CLP1: variants seen among roughly 807,000 people sequenced by gnomAD.
CLP1 encodes the protein polyribonucleotide 5'-hydroxyl-kinase Clp1.
A neutral mutation model predicts 29.9 loss-of-function variants in CLP1; 18 were observed. The observed-to-expected ratio is 0.60, with a 90% CI of 0.42 to 0.89. CLP1 has a LOEUF of 0.89. Among genes scored for constraint, CLP1 ranks in the 40% least tolerant of loss-of-function variants. CLP1 has a pLI of 0.00. For synonymous variants in CLP1, 162 were observed against 206.2 expected (o/e 0.79, Z 1.84); for missense variants, 357 against 544.8 (o/e 0.66, Z 3.43).
intron 1 of CLP1, among the ~76,000 whole-genome samples, chr11:57,658,941 A>G (rs918258258): frequency 4.1e-5 from 6 of 148,100 alleles, no homozygotes; most frequent in African/African-American, 9.9e-5. Context: ...GGCCTGGCCA[A>G]TATTTGCATT....
chr11:57,661,537 T>A lies in CLP1; in HGVS notation c.*101T>A. ...AAGACTGTTGGGGCCACCTGACCAG[T>A]AAACTGTGGACTAGTAGAAAGTTCA... On this transcript the variant is annotated 3_prime_UTR_variant, in exon 3 of 3. Transcript: ENST00000533682. 1.1e-6 allele frequency: 1 copy of A among 930,206 alleles called. No homozygotes were observed. Among genetic ancestry groups the A allele is most frequent in the Non-Finnish European group, 1.6e-6 (1 of 611,630 alleles). The allele number at this position is 930,206 out of a possible 1,614,324, so 57.6% of individuals were successfully genotyped here.
intron 1 of CLP1, among the ~76,000 whole-genome samples, chr11:57,658,332 G>C (rs1402150359): frequency 6.6e-6 from 1 of 152,224 alleles, no homozygotes; most frequent in Non-Finnish European, 1.5e-5. Flanking sequence ...TTTACCAATA[G>C]AGTGATGGAG....
rs1249796429 is a variant in CLP1 at position 57,659,497 on chromosome 11, T to C, written c.21T>C (p.Asp7=). 3 of 1,614,042 alleles carry C rather than the reference T, an allele frequency of 1.9e-6. No homozygotes were observed. Among genetic ancestry groups the C allele is most frequent in the South Asian group, 1.1e-5 (1 of 91,084 alleles). Reference sequence around the variant, plus strand: ...AAGAGATGGGAGAAGAGGCTAATGATGACAAGAAGCCAACCACTAAATTTG... The same window carrying C: ...AAGAGATGGGAGAAGAGGCTAATGACGACAAGAAGCCAACCACTAAATTTG... MGEEAN[D]DKKPTTKFEL... is the part of the protein sequence containing the mutation. Residue 7 remains aspartate, a synonymous_variant, in exon 2 of 3, where the codon GAT becomes GAC. Transcript: ENST00000533682.
intron 1 of CLP1, among the ~76,000 whole-genome samples, chr11:57,659,039 T>C (rs1945847942): frequency 6.6e-6 from 1 of 151,882 alleles, no homozygotes; most frequent in Admixed American, 6.6e-5. Context: ...CGCCCCAAAG[T>C]GCTGAAATTA....
At chr11:57,659,319 C>T in intron 1 of CLP1, 136 bp from the exon 2 acceptor site, 4 of 745,838 alleles carry the variant, frequency 5.4e-6, no homozygotes, top group South Asian at 3.7e-5. Flanking sequence ...GAACTCCTGA[C>T]CTCAAGTGAT....
At position 57,661,405 on chromosome 11, in the gene CLP1, T is replaced by C; in HGVS notation, c.1247T>C (p.Ile416Thr). The part of the protein sequence containing the change: ...PRPLPKNFLL[I>T]MDIRFMDLK ...CCACTGCCTAAGAACTTCCTTCTCA[T>C]CATGGATATCCGGTTCATGGATCTG... The change falls in exon 3 of 3, where the codon ATC becomes ACC. Residue 416 changes from isoleucine to threonine, a missense_variant. Ile to Thr is a moderately conservative substitution (Grantham distance 89, BLOSUM62 -1). Coordinates refer to ENST00000533682, the MANE Select transcript of CLP1 (RefSeq NM_006831.3). The C allele has an allele frequency of 6.2e-7, 1 of 1,613,224 alleles. No individual in the cohort carries two copies. Among genetic ancestry groups the C allele is most frequent in the South Asian group, 1.1e-5 (1 of 90,932 alleles).
chr11:57,660,179 A>G (rs1945861252), intron 2 of CLP1, 97 bp downstream of exon 2: 1 of 1,294,178 alleles, frequency 7.7e-7, no homozygotes, highest in African/African-American at 1.5e-5. Context: ...CTCAGCTGGT[A>G]TTTCTGCTGC....
chr11:57,660,052 TC>T lies in CLP1; in HGVS notation c.578del (p.Pro193LeufsTer15). The T allele has an allele frequency of 6.3e-7, 1 of 1,592,710 alleles. No homozygotes were observed. The highest frequency in any genetic ancestry group is 8.6e-7 in the Non-Finnish European group (1 of 1,167,602). On this transcript the variant is annotated frameshift_variant, in exon 2 of 3. Transcript: ENST00000533682. LOFTEE classifies it high-confidence loss of function. The stretch of plus-strand genomic sequence containing the variant: ...TGGTGTATCATTTTGGTTCCACCAC[TC>T]CTGGCACTAACATCAAGCTTTATAA... ...PLVYHFGSTT[P>X]GTNIKLYNKI...
At position 57,660,025 on chromosome 11, in the gene CLP1, T is replaced by C; in HGVS notation, c.549T>C (p.Pro183=). 3 of 1,608,726 alleles carry C rather than the reference T, an allele frequency of 1.9e-6. No individual in the cohort carries two copies. The highest frequency in any genetic ancestry group is 1.3e-5 in the African/African-American group (1 of 74,746). The change falls in exon 2 of 3, where the codon CCT becomes CCC. Residue 183 remains proline (P), a synonymous_variant. Transcript: ENST00000533682. Reference sequence around the variant, plus strand: ...AAGAGGGTTTCTCTATCCAGGCCCCTCTGGTGTATCATTTTGGTTCCACCA... The same window carrying C: ...AAGAGGGTTTCTCTATCCAGGCCCCCCTGGTGTATCATTTTGGTTCCACCA... ...DVEEGFSIQA[P]LVYHFGSTTP... is the part of the protein sequence containing the mutation.
Position 57,659,904 on chromosome 11 carries a change from G to A in CLP1, c.428G>A (p.Arg143His), listed in dbSNP as rs746873689. 3.1e-6 allele frequency: 5 copies of A among 1,614,030 alleles called. No individual in the cohort carries two copies. Among genetic ancestry groups the A allele is most frequent in the African/African-American group, 2.7e-5 (2 of 74,938 alleles). Residue 143 changes from arginine to histidine, a missense_variant, in exon 2 of 3, where the codon CGC (arginine) becomes CAC (histidine). Arg to His is a conservative substitution (Grantham distance 29). Coordinates refer to ENST00000533682, the MANE Select transcript of CLP1 (RefSeq NM_006831.3). ...LLLNYAVRLG[R>H]RPTYVELDVG... ...CTCAACTACGCAGTGCGTTTGGGCC[G>A]CCGTCCCACTTATGTGGAGCTGGAT...
At position 57,660,781 on chromosome 11, in the gene CLP1, C is replaced by T. The variant is rs1412796063; in HGVS notation, c.623C>T (p.Ala208Val). The change falls in exon 3 of 3, where the codon GCA becomes GTA. Residue 208 changes from alanine to valine, a missense_variant. Coordinates refer to ENST00000533682, the MANE Select transcript of CLP1 (RefSeq NM_006831.3). ...CTTTTGCAGATTACATCTCGTTTAGCAGATGTGTTCAACCAAAGGTGTGAG... is the reference window on the plus strand; with the variant it reads ...CTTTTGCAGATTACATCTCGTTTAGTAGATGTGTTCAACCAAAGGTGTGAG... ...KLYNKITSRL[A>V]DVFNQRCEVN... 1.3e-6 allele frequency: 2 copies of T among 1,594,450 alleles called. No individual in the cohort carries two copies. Among genetic ancestry groups the T allele is most frequent in the South Asian group, 2.2e-5 (2 of 89,150 alleles).
chr11:57,658,067 C>T (rs1419213349), intron 1 of CLP1, among the ~76,000 whole-genome samples: 1 of 151,966 alleles, frequency 6.6e-6, no homozygotes, highest in Non-Finnish European at 1.5e-5. Context: ...CTTTTTTTTC[C>T]TCCCACAATT....
chr11:57,659,884 C>G lies in CLP1; in HGVS notation c.408C>G (p.Asn136Lys), dbSNP rs969193957. 1 of 1,614,118 alleles carries G rather than the reference C, an allele frequency of 6.2e-7. No homozygotes were observed. The highest frequency in any genetic ancestry group is 8.5e-7 in the Non-Finnish European group (1 of 1,180,058). The change falls in exon 2 of 3, where the codon AAC (asparagine) becomes AAG (lysine). Residue 136 changes from asparagine to lysine, a missense_variant. Coordinates refer to ENST00000533682, the MANE Select transcript of CLP1 (RefSeq NM_006831.3). ...GKSTVCRLLL[N>K]YAVRLGRRPT... ...CTACAGTGTGTCGCCTTCTGCTCAA[C>G]TACGCAGTGCGTTTGGGCCGCCGTC...
At chr11:57,660,339 T>C (rs1277627250) in intron 2 of CLP1, among the ~76,000 whole-genome samples, 2 of 152,284 alleles carry the variant, frequency 1.3e-5, no homozygotes, top group Middle Eastern at 3.4e-3. Flanking sequence ...TGTTATGGTA[T>C]CAAAACTACA....
Position 57,660,819 on chromosome 11 carries a change from G to A in CLP1, c.661G>A (p.Ala221Thr). The A allele has an allele frequency of 1.2e-6, 2 of 1,612,824 alleles. No homozygotes were observed. Among genetic ancestry groups the A allele is most frequent in the Non-Finnish European group, 8.5e-7 (1 of 1,178,932 alleles). The change falls in exon 3 of 3, where the codon GCA becomes ACA. Residue 221 changes from alanine to threonine, a missense_variant. Transcript: ENST00000533682. ...CCAAAGGTGTGAGGTGAACCGAAGG[G>A]CATCTGTGAGTGGCTGTGTCATTAA... ...FNQRCEVNRRASVSGCVINTC... is the reference protein window; with the variant it reads ...FNQRCEVNRRTSVSGCVINTC...
intron 1 of CLP1, among the ~76,000 whole-genome samples, chr11:57,658,381 G>A (rs540261522): frequency 2.6e-4 from 39 of 152,140 alleles, no homozygotes; most frequent in Non-Finnish European, 4.1e-4. Context: ...TGTAGGTATG[G>A]TTTTTCTCTG....
In CLP1 at chr11:57,661,329, A is replaced by G. The variant is rs1945875189; in HGVS notation, c.1171A>G (p.Ser391Gly). The G allele has an allele frequency of 1.2e-6, 2 of 1,614,072 alleles. No individual in the cohort carries two copies. The highest frequency in any genetic ancestry group is 2.2e-5 in the South Asian group (2 of 91,080). Residue 391 changes from serine to glycine, a missense_variant, in exon 3 of 3, where the codon AGT becomes GGT. Coordinates refer to ENST00000533682, the MANE Select transcript of CLP1 (RefSeq NM_006831.3). ...TSVAGFIVVT[S>G]VDLEHQVFTV... ...TGTAGCTGGCTTCATTGTGGTGACCAGTGTGGACCTGGAGCATCAGGTGTT... is the reference window on the plus strand; with the variant it reads ...TGTAGCTGGCTTCATTGTGGTGACCGGTGTGGACCTGGAGCATCAGGTGTT...
intron 1 of CLP1, among the ~76,000 whole-genome samples, chr11:57,658,540 G>T (rs537318823): frequency 1.3e-5 from 2 of 152,300 alleles, no homozygotes; most frequent in African/African-American, 4.8e-5. Flanking sequence ...TAGTGAGACC[G>T]ATGGTGATAA....
At chr11:57,660,123 A>G (rs1945860625) in intron 2 of CLP1, 41 bp downstream of exon 2, 1 of 1,518,204 alleles carries the variant, frequency 6.6e-7, no homozygotes, top group Non-Finnish European at 8.8e-7. Flanking sequence ...AAGGGCTGCT[A>G]TCAGGGTAGG....
Sources: allele counts gnomAD v4.1 joint callset (sites outside exome capture counted in the v4.1 genomes callset), GRCh38; gene constraint gnomAD v4.1.1; transcripts MANE v1.5; gene names NCBI Gene and HGNC (gene_info 2026-07-23, HGNC 2026-07-21).